NBAS: variants seen among roughly 807,000 people sequenced by gnomAD.
NBAS encodes NBAS subunit of NRZ tethering complex, also known as NAG/BC035112 fusion.
NBAS carries 219 observed loss-of-function variants against 302.5 expected under a neutral mutation model. The observed-to-expected ratio is 0.72, with a 90% CI of 0.65 to 0.81. NBAS has a LOEUF of 0.81. Ranked by LOEUF, NBAS falls within the 30% of genes least tolerant of loss-of-function variation. The pLI is 0.00. For synonymous variants in NBAS, 1,118 were observed against 1,021.6 expected, an observed-to-expected ratio of 1.09 and a Z score of -1.80; for missense variants, 2,932 against 2,841.6, an observed-to-expected ratio of 1.03 and a Z score of -0.72.
chr2:15,482,478 T>C (rs375460936), intron 12 of NBAS, among the ~76,000 whole-genome samples: 28 of 152,282 alleles, frequency 1.8e-4, no homozygotes, highest in African/African-American at 6.0e-4. Flanking sequence ...AAATTTGTCA[T>C]GCTTCTCTCG....
rs1572602337 is a variant in NBAS at position 15,292,544 on chromosome 2, G to A, written c.5020C>T (p.Leu1674=). Residue 1674 remains leucine (L), a synonymous_variant, in exon 41 of 52, where the codon CTG becomes TTG. Coordinates refer to ENST00000281513, the MANE Select transcript of NBAS (RefSeq NM_015909.4). ...DQYKRETILG[L]AETLEESVYS... ...ACAAAGGGTATCACTTACTCTGCCAGACCAAGGATAGTTTCCCTTTTATAC... is the reference window on the plus strand; with the variant it reads ...ACAAAGGGTATCACTTACTCTGCCAAACCAAGGATAGTTTCCCTTTTATAC... 2.5e-6 allele frequency: 4 copies of A among 1,613,978 alleles called. No homozygotes were observed.
At chr2:14,921,708 T>A in the NBAS span, among the ~76,000 whole-genome samples, 3 of 152,006 alleles carry the variant, frequency 2.0e-5, no homozygotes, top group African/African-American at 7.2e-5. Context: ...AATAAGCGAG[T>A]GTGTGTGTGA....
chr2:14,838,332 C>T, the NBAS span, among the ~76,000 whole-genome samples: 7 of 152,020 alleles, frequency 4.6e-5, no homozygotes, highest in African/African-American at 1.7e-4. Flanking sequence ...GTTTCACTTG[C>T]TATTAATCTC....
chr2:15,461,390 G>C, intron 20 of NBAS, 53 bp from the exon 21 acceptor site: 4 of 1,578,802 alleles, frequency 2.5e-6, no homozygotes, highest in Non-Finnish European at 8.7e-7. Context: ...AAATAAAGGA[G>C]TGATTTTATA....
the NBAS span, among the ~76,000 whole-genome samples, chr2:14,802,481 G>T: frequency 9.9e-5 from 15 of 151,660 alleles, no homozygotes; most frequent in Non-Finnish European, 1.6e-4. Flanking sequence ...TGTTCTTTTG[G>T]CTTAGGATTG....
chr2:15,273,435 C>G (rs1183686835), intron 44 of NBAS, among the ~76,000 whole-genome samples: 1 of 152,194 alleles, frequency 6.6e-6, no homozygotes, highest in Non-Finnish European at 1.5e-5. Context: ...CAAATGGTTC[C>G]AGGTCCCCTG....
chr2:15,154,392 T>G, the NBAS span, among the ~76,000 whole-genome samples: 2 of 152,162 alleles, frequency 1.3e-5, no homozygotes, highest in East Asian at 3.9e-4. Flanking sequence ...TCCCCTCGGT[T>G]TCATAGACTG....
the NBAS span, among the ~76,000 whole-genome samples, chr2:14,807,205 A>G: frequency 1.3e-5 from 2 of 152,124 alleles, no homozygotes; most frequent in African/African-American, 2.4e-5. Context: ...TTTCTCAATC[A>G]TGACAGGTTT....
intron 6 of NBAS, among the ~76,000 whole-genome samples, chr2:15,546,304 C>A (rs79209424): frequency 0.02 from 3,085 of 151,752 alleles, 72 homozygotes; most frequent in East Asian, 0.057. Context: ...AAAGTTTCTA[C>A]GAAGAATGTG....
chr2:14,929,204 T>A, the NBAS span, among the ~76,000 whole-genome samples: 2 of 152,236 alleles, frequency 1.3e-5, no homozygotes, highest in South Asian at 4.1e-4. Flanking sequence ...AGGGTCCACT[T>A]TCAGGAGCTC....
rs866221992 is a variant in NBAS at position 15,535,899 on chromosome 2, T to C, written c.647+519A>G. On this transcript the variant is annotated intron_variant, in intron 8 of 51. Coordinates refer to ENST00000281513, the MANE Select transcript of NBAS (RefSeq NM_015909.4). ...ATTTTAAAAAAATTTTAAACACTAG[T>C]TGTTCTGGGAGTGGGTATGGAAAGA... 9.9e-5 allele frequency among the ~76,000 whole-genome samples: 15 copies of C among 152,278 alleles called. No individual in the cohort carries two copies. In the South Asian group the frequency reaches 2.5e-3, roughly 25 times the overall value.
chr2:15,006,270 T>A, the NBAS span, among the ~76,000 whole-genome samples: 1 of 152,302 alleles, frequency 6.6e-6, no homozygotes, highest in Admixed American at 6.5e-5. Flanking sequence ...ATTCAGAAAT[T>A]CTGCCTTTGG....
the NBAS span, among the ~76,000 whole-genome samples, chr2:15,026,986 A>T: frequency 3.9e-5 from 6 of 152,112 alleles, no homozygotes; most frequent in Admixed American, 3.9e-4. Flanking sequence ...AACTAATTCT[A>T]TATTCACTTG....
At chr2:15,317,258 T>C (rs769068480) in intron 38 of NBAS, among the ~76,000 whole-genome samples, 2 of 152,074 alleles carry the variant, frequency 1.3e-5, no homozygotes, top group Non-Finnish European at 2.9e-5. Context: ...CCAACATCAA[T>C]GACCAAAGGT....
At chr2:15,159,003 C>A in the NBAS span, among the ~76,000 whole-genome samples, 1 of 152,218 alleles carries the variant, frequency 6.6e-6, no homozygotes, top group Non-Finnish European at 1.5e-5. Context: ...CATTTCTCCA[C>A]CTCCCATGCT....
At chr2:15,096,091 T>G in the NBAS span, among the ~76,000 whole-genome samples, 1 of 152,228 alleles carries the variant, frequency 6.6e-6, no homozygotes, top group Non-Finnish European at 1.5e-5. Context: ...GGTCCTATTC[T>G]TTAGATGTAT....
chr2:15,204,080 A>T (rs1666024629), intron 48 of NBAS, among the ~76,000 whole-genome samples: 1 of 152,022 alleles, frequency 6.6e-6, no homozygotes, highest in Non-Finnish European at 1.5e-5. Context: ...TGAGCAACAT[A>T]GTGAGACCCC....
At chr2:15,322,455 T>G (rs1671855940) in intron 38 of NBAS, among the ~76,000 whole-genome samples, 1 of 152,260 alleles carries the variant, frequency 6.6e-6, no homozygotes, top group Admixed American at 6.5e-5. Flanking sequence ...CTTCAAGCGC[T>G]AATTCTGTGC....
the NBAS span, among the ~76,000 whole-genome samples, chr2:15,103,060 G>A: frequency 1.6e-4 from 22 of 140,434 alleles, 1 homozygote; most frequent in African/African-American, 5.4e-4. Context: ...GGGAGGGAAG[G>A]AAGGGAGGGA....
Sources: allele counts gnomAD v4.1 joint callset (sites outside exome capture counted in the v4.1 genomes callset), GRCh38; gene constraint gnomAD v4.1.1; transcripts MANE v1.5; gene names NCBI Gene and HGNC (gene_info 2026-07-23, HGNC 2026-07-21).